The following NEB variants were observed in gnomAD, a reference collection of about 807,000 sequenced individuals.
NEB encodes nemaline myopathy type 2.
In NEB, 512 loss-of-function variants were observed where a neutral mutation model predicts 952.2. The ratio of observed to expected loss-of-function variants is 0.54; its 90% confidence interval spans 0.50 to 0.58. NEB has a LOEUF of 0.58. Among genes scored for constraint, NEB ranks in the 20% least tolerant of loss-of-function variants. The probability of loss-of-function intolerance (pLI) is 0.00; values close to 1 mark genes in which losing one functional copy is unlikely to be tolerated. For missense variants in NEB, 8,428 were observed against 9,231.1 expected, an observed-to-expected ratio of 0.91 and a Z score of 3.56; for synonymous variants, 2,900 against 3,149.8, an observed-to-expected ratio of 0.92 and a Z score of 2.66.
At chr2:151,525,303 T>C in intron 150 of NEB, 30 bp from the exon 151 acceptor site, 1 of 1,469,654 alleles carries the variant, frequency 6.8e-7, no homozygotes, top group Non-Finnish European at 9.5e-7. Context: ...CTTTTATGAG[T>C]AGAGGAAGCT....
At chr2:151,626,858 T>C (rs2098536796) in intron 70 of NEB, 144 bp downstream of exon 70, 1 of 1,050,578 alleles carries the variant, frequency 9.5e-7, no homozygotes, top group Non-Finnish European at 1.4e-6. Context: ...TATATTGTTA[T>C]CTAACAGAAT....
At chr2:151,680,573 C>T (rs1208283147) in intron 30 of NEB, among the ~76,000 whole-genome samples, 157 bp downstream of exon 30, 5 of 152,134 alleles carry the variant, frequency 3.3e-5, no homozygotes, top group African/African-American at 4.8e-5. Flanking sequence ...ATGAATTAGG[C>T]ATGCTTTATT....
At chr2:151,694,736 G>A (rs1392447688) in intron 18 of NEB, 107 bp from the exon 19 acceptor site, 15 of 828,002 alleles carry the variant, frequency 1.8e-5, no homozygotes, top group Non-Finnish European at 2.5e-5. Flanking sequence ...AAATAAATGG[G>A]CCCTTTTTAT....
chr2:151,548,640 T>C (rs992324099), intron 130 of NEB, among the ~76,000 whole-genome samples: 8 of 152,230 alleles, frequency 5.3e-5, no homozygotes, highest in African/African-American at 1.7e-4. Context: ...TGACCTTGCC[T>C]AGGTGAAATC....
chr2:151,533,373 G>T, intron 143 of NEB, 69 bp downstream of exon 143: 2 of 1,010,566 alleles, frequency 2.0e-6, no homozygotes, highest in Non-Finnish European at 3.0e-6. Flanking sequence ...GGAAATCAAT[G>T]AAAGCATACA....
At chr2:151,500,304 G>A (rs1018744286) in intron 168 of NEB, among the ~76,000 whole-genome samples, 8 of 151,928 alleles carry the variant, frequency 5.3e-5, no homozygotes, top group Non-Finnish European at 1.0e-4. Flanking sequence ...AAATATTTTG[G>A]ATTAATTCCC....
In NEB at chr2:151,696,622, G is replaced by C. The variant is rs187156487; in HGVS notation, c.1569+15C>G. On this transcript the variant is annotated intron_variant, in intron 17 of 181. Transcript: ENST00000397345. Reference sequence around the variant, plus strand: ...CCCTCATAATTGGGTGTCCTGAGTAGTTAGAGGAACTTACGTCACTCAGTT... The same window carrying C: ...CCCTCATAATTGGGTGTCCTGAGTACTTAGAGGAACTTACGTCACTCAGTT... 85 of 1,591,838 alleles carry C rather than the reference G, an allele frequency of 5.3e-5. 1 individual carries two copies. The South Asian group carries it at 8.2e-4, about 15-fold the overall frequency.
intron 28 of NEB, among the ~76,000 whole-genome samples, chr2:151,683,440 T>C (rs1050744948): frequency 6.6e-6 from 1 of 152,234 alleles, no homozygotes; most frequent in Non-Finnish European, 1.5e-5. Context: ...ACGTTTTAGA[T>C]ACAAAATTCA....
chr2:151,515,076 TG>T, intron 157 of NEB, 148 bp from the exon 158 acceptor site: 2 of 618,346 alleles, frequency 3.2e-6, no homozygotes, highest in East Asian at 5.5e-5. Flanking sequence ...GAAACATGTA[TG>T]ATTGTACTTG....
Position 151,540,718 on chromosome 2 carries a change from G to A in NEB, c.20766C>T (p.Asp6922=), listed in dbSNP as rs34555492. 0.019 allele frequency: 31,298 copies of A among 1,613,436 alleles called. 400 individuals carry two copies. Among genetic ancestry groups the A allele is most frequent in the South Asian group, 0.04 (3,605 of 91,062 alleles). ...TTACCTCACTGACCATGTCCTTCAC[G>A]TCTTTAGCATGCTTCAAGGCTGTGG... ...NQTTALKHAK[D]VKDMVSEKKY... The change falls in exon 137 of 182, where the codon GAC becomes GAT. Residue 6922 remains aspartate (D), a synonymous_variant. Transcript: ENST00000397345.
rs966766703 is a variant in NEB at position 151,533,011 on chromosome 2, G to A, written c.21417+431C>T. Among the ~76,000 whole-genome samples, 16 of 152,058 alleles carry A rather than the reference G, an allele frequency of 1.1e-4. No individual in the cohort carries two copies. In the South Asian group the frequency reaches 1.7e-3, roughly 16 times the overall value. ...ATATACAATATTCATAGAGCTGCAC[G>A]GTAATCCTCATCTCCCTGCAACAGT... On this transcript the variant is annotated intron_variant, in intron 143 of 181. Transcript: ENST00000397345.
chr2:151,499,427 G>GCAGT, intron 168 of NEB, 37 bp from the exon 169 acceptor site: 1 of 1,272,346 alleles, frequency 7.9e-7, no homozygotes, highest in African/African-American at 1.5e-5. Flanking sequence ...AAAAACAAGA[G>GCAGT]CAGTCAAAAC....
chr2:151,639,377 T>G lies in NEB; in HGVS notation c.8897A>C (p.Tyr2966Ser). The change falls in exon 63 of 182, where the codon TAC (tyrosine) becomes TCC (serine). Residue 2966 changes from tyrosine (Y) to serine (S), a missense_variant. Physicochemically the swap from Tyr to Ser is moderately radical, Grantham distance 144 (BLOSUM62 -2). Around this residue, in one of 11 missense-constraint regions of NEB, gnomAD observed 1,772 missense variants for 1,960.3 expected, o/e 0.90. Coordinates refer to ENST00000397345, the MANE Select transcript of NEB (RefSeq NM_001164508.2). ...NNAITMNKRL[Y>S]TEAWDKDKTQ... ...CTTGTCTTTGTCCCAGGCTTCTGTG[T>G]ATAAACGCTATCAAAAAAAATACAC... is the stretch of plus-strand genomic sequence containing the variant. The G allele has an allele frequency of 6.5e-7, 1 of 1,529,658 alleles. No individual in the cohort carries two copies. The highest frequency in any genetic ancestry group is 1.4e-5 in the African/African-American group (1 of 72,932). The allele number at this position is 1,529,658 out of a possible 1,614,324, so 94.8% of individuals were successfully genotyped here. A position where few individuals can be genotyped will look rare whatever the true frequency, so the allele number is the denominator to read the frequency against.
At chr2:151,688,497 C>T (rs1338608497) in intron 24 of NEB, 101 bp from the exon 25 acceptor site, 3 of 847,146 alleles carry the variant, frequency 3.5e-6, no homozygotes, top group Non-Finnish European at 5.8e-6. Flanking sequence ...TAGAAAAATG[C>T]CTCAAAGAGA....
intron 20 of NEB, among the ~76,000 whole-genome samples, chr2:151,692,820 A>T (rs545126083): frequency 6.6e-6 from 1 of 152,238 alleles, no homozygotes; most frequent in East Asian, 1.9e-4. Flanking sequence ...AAATACAAAA[A>T]TTAGCCGGGC....
At position 151,529,254 on chromosome 2, in the gene NEB, C is replaced by G. The variant is rs1559580980; in HGVS notation, c.21691G>C (p.Val7231Leu). Residue 7231 changes from valine (V) to leucine (L), a missense_variant, in exon 146 of 182, where the codon GTT (valine) becomes CTT (leucine). Transcript: ENST00000397345. ...GCGTCCTTGGCTGCTTTGATATGAA[C>G]AGCATCTGGCTCAATGGTGCAGTTG... ...KSNCTIEPDA[V>L]HIKAAKDAYK... 1 of 1,613,724 alleles carries G rather than the reference C, an allele frequency of 6.2e-7. No individual in the cohort carries two copies. The highest frequency in any genetic ancestry group is 8.5e-7 in the Non-Finnish European group (1 of 1,179,624).
chr2:151,490,532 A>C lies in NEB; in HGVS notation c.25151-14T>G. On this transcript the variant is annotated splice_polypyrimidine_tract_variant and intron_variant, in intron 179 of 181. Transcript: ENST00000397345. ...GCTGAGCTTGGACTGGGAGAGATGC[A>C]GTTGGGGGAGATGTAGCAAACATGA... The C allele has an allele frequency of 6.2e-7, 1 of 1,606,266 alleles. No homozygotes were observed. The highest frequency in any genetic ancestry group is 8.5e-7 in the Non-Finnish European group (1 of 1,176,214).
At chr2:151,527,946 T>A (rs2087477574) in intron 146 of NEB, among the ~76,000 whole-genome samples, 1 of 152,206 alleles carries the variant, frequency 6.6e-6, no homozygotes, top group Non-Finnish European at 1.5e-5. Flanking sequence ...CACTAGGTAT[T>A]TATTTTCTGC....
At position 151,565,106 on chromosome 2, in the gene NEB, T is replaced by A; in HGVS notation, c.18409A>T (p.Thr6137Ser). ...ATATGTGGTGTATCTGGTGAAAACG[T>A]ATATTTGCCCTTTGCTTTATTAAAT... ...ETFNKAKGKY[T>S]FSPDTPHISH... Residue 6137 changes from threonine to serine, a missense_variant, in exon 117 of 182, where the codon ACG becomes TCG. Transcript: ENST00000397345. 6.3e-7 allele frequency: 1 copy of A among 1,599,614 alleles called. No homozygotes were observed. Among genetic ancestry groups the A allele is most frequent in the South Asian group, 1.1e-5 (1 of 89,376 alleles).
Sources: allele counts gnomAD v4.1 joint callset (sites outside exome capture counted in the v4.1 genomes callset), GRCh38; gene constraint gnomAD v4.1.1; regional missense constraint gnomAD v4.1.1; transcripts MANE v1.5; gene names NCBI Gene and HGNC (gene_info 2026-07-23, HGNC 2026-07-21).